NISCH: variants seen among roughly 807,000 people sequenced by gnomAD.
The protein encoded by NISCH is I-1 receptor candidate protein.
A neutral mutation model predicts 138.4 loss-of-function variants in NISCH; 55 were observed. That is an observed-to-expected ratio of 0.40 (90% CI 0.32 to 0.50). The LOEUF (loss-of-function observed/expected upper bound fraction) is 0.50, where lower values mean the gene tolerates loss of function less well. Ranked by LOEUF, NISCH falls within the 20% of genes least tolerant of loss-of-function variation. NISCH has a pLI of 0.71. For synonymous variants in NISCH, 860 were observed against 861.5 expected (o/e 1.00, Z 0.03); for missense variants, 1,643 against 2,005.5 (o/e 0.82, Z 3.45).
Position 52,491,936 on chromosome 3 carries a change from G to A in NISCH, c.3969G>A (p.Glu1323=), listed in dbSNP as rs764222352. 1 of 1,613,574 alleles carries A rather than the reference G, an allele frequency of 6.2e-7. No homozygotes were observed. Among genetic ancestry groups the A allele is most frequent in the Non-Finnish European group, 8.5e-7 (1 of 1,179,956 alleles). ...TCAAGTTTACCTACCCCAGTGAGGA[G>A]GAGATTGGGGACCTGACGTTCACTG... ...SRVKFTYPSE[E]EIGDLTFTVA... The change falls in exon 21 of 21, where the codon GAG becomes GAA. Residue 1323 remains glutamate (E), a synonymous_variant. Coordinates refer to ENST00000345716, the MANE Select transcript of NISCH (RefSeq NM_007184.4).
At chr3:52,480,627 G>A in intron 13 of NISCH, 1 of 1,425,216 alleles carries the variant, frequency 7.0e-7, no homozygotes, top group Non-Finnish European at 9.1e-7. Flanking sequence ...TCCCTCACCG[G>A]CAGCACAAGC....
chr3:52,489,872 C>A, intron 17 of NISCH, 194 bp downstream of exon 17: 1 of 1,185,182 alleles, frequency 8.4e-7, no homozygotes, highest in Non-Finnish European at 1.2e-6. Context: ...TGTGTCACCA[C>A]CTCCTGTGCC....
Position 52,488,073 on chromosome 3 carries a change from G to C in NISCH, c.2581G>C (p.Val861Leu), listed in dbSNP as rs774082674. The C allele has an allele frequency of 2.2e-5, 36 of 1,612,688 alleles. No individual in the cohort carries two copies. The highest frequency in any genetic ancestry group is 4.0e-5 in the African/African-American group (3 of 74,898). ...RSQGCFPVYL[V>L]YSDKRMVQTA... is the part of the protein sequence containing the mutation. ...CCAGGGCTGCTTCCCCGTCTACCTG[G>C]TCTACAGTGACAAGCGCATGGTGCA... The change falls in exon 16 of 21, where the codon GTC (valine) becomes CTC (leucine). Residue 861 changes from valine (V) to leucine (L), a missense_variant. Coordinates refer to ENST00000345716, the MANE Select transcript of NISCH (RefSeq NM_007184.4).
intron 15 of NISCH, 49 bp downstream of exon 15, chr3:52,485,876 G>A (rs1217769414): frequency 1.2e-5 from 18 of 1,537,372 alleles, no homozygotes; most frequent in Non-Finnish European, 1.6e-5. Context: ...ACAGCCTTAT[G>A]CACACACACT....
chr3:52,479,925 G>C (rs920294717), intron 12 of NISCH, 63 bp downstream of exon 12: 2 of 1,291,010 alleles, frequency 1.5e-6, no homozygotes, highest in Non-Finnish European at 2.2e-6. Flanking sequence ...GAGCCAGTTT[G>C]GGGGGCTTGG....
rs554709398 is a variant in NISCH at position 52,492,127 on chromosome 3, G to A, written c.4160G>A (p.Cys1387Tyr). ...SSEIFLLDED[C>Y]VHYPLPEFAK... The stretch of plus-strand genomic sequence containing the variant: ...GAGATCTTCCTCCTGGATGAGGACT[G>A]TGTCCACTACCCACTGCCCGAGTTT... The change falls in exon 21 of 21, where the codon TGT (cysteine) becomes TAT (tyrosine). Residue 1387 changes from cysteine (C) to tyrosine (Y), a missense_variant. Physicochemically the swap from Cys to Tyr is radical, Grantham distance 194 (BLOSUM62 -2). Transcript: ENST00000345716. 4.3e-6 allele frequency: 7 copies of A among 1,613,116 alleles called. No individual in the cohort carries two copies. Among genetic ancestry groups the A allele is most frequent in the Middle Eastern group, 1.6e-4 (1 of 6,062 alleles).
intron 13 of NISCH, chr3:52,480,892 T>C (rs1256414524): frequency 1.3e-5 from 20 of 1,534,830 alleles, no homozygotes; most frequent in Non-Finnish European, 1.7e-5. Context: ...TCCTCGGAGA[T>C]GAGTGAGTGA....
At chr3:52,485,694 T>A (rs1352693705) in intron 14 of NISCH, 84 bp from the exon 15 acceptor site, 10 of 1,461,094 alleles carry the variant, frequency 6.8e-6, no homozygotes, top group Non-Finnish European at 9.4e-6. Flanking sequence ...GAGGGCAGAA[T>A]GCCCAGCTCA....
In NISCH at chr3:52,482,285, G is replaced by A. The variant is rs187673035; in HGVS notation, c.1528+1990G>A. On this transcript the variant is annotated intron_variant, in intron 13 of 20. Transcript: ENST00000345716. ...ATTCCCGAGAAGGGAGCCTGCTTGC[G>A]AAGGAACTGGCACTCGGGCCTGCCT... Among the ~76,000 whole-genome samples, 961 of 152,292 alleles carry A rather than the reference G, an allele frequency of 6.3e-3. 11 individuals carry two copies. Among genetic ancestry groups the A allele is most frequent in the African/African-American group, 0.021 (873 of 41,566 alleles).
Position 52,487,476 on chromosome 3 carries a change from G to C in NISCH, c.1984G>C (p.Val662Leu), listed in dbSNP as rs145761574. 6.2e-7 allele frequency: 1 copy of C among 1,602,564 alleles called. No homozygotes were observed. Among genetic ancestry groups the C allele is most frequent in the East Asian group, 2.2e-5 (1 of 44,720 alleles). ...CTACTTTGAAATGGGGCCCCCAGAC[G>C]TGGAGGAGGAGGAGGGAGGAGGCCA... ...NRYFEMGPPD[V>L]EEEEGGGQGE... Residue 662 changes from valine to leucine, a missense_variant, in exon 16 of 21, where the codon GTG becomes CTG. Transcript: ENST00000345716. This position sits in a 1 kb window ranked among gnomAD's most constrained non-coding sequence, Gnocchi z 9.1.
intron 3 of NISCH, among the ~76,000 whole-genome samples, chr3:52,468,112 A>G (rs986707890): frequency 2.5e-4 from 38 of 152,250 alleles, no homozygotes; most frequent in African/African-American, 9.1e-4. Context: ...TACAAAAATT[A>G]GCCGGGTGTG....
Position 52,476,506 on chromosome 3 carries a change from A to G in NISCH, c.825A>G (p.Leu275=). 1 of 1,614,110 alleles carries G rather than the reference A, an allele frequency of 6.2e-7. No homozygotes were observed. Among genetic ancestry groups the G allele is most frequent in the Non-Finnish European group, 8.5e-7 (1 of 1,179,992 alleles). The change falls in exon 8 of 21, where the codon CTA becomes CTG. Residue 275 remains leucine, a synonymous_variant. Coordinates refer to ENST00000345716, the MANE Select transcript of NISCH (RefSeq NM_007184.4). ...AGTGGGAGCCTGAAGGCACAACCCT[A>G]GAAGGCCCTGTGACTGCCGTCATCC... The part of the protein sequence containing the change: ...FDEWEPEGTT[L]EGPVTAVIPT...
At chr3:52,466,338 G>C (rs1158593813) in intron 3 of NISCH, among the ~76,000 whole-genome samples, 3 of 152,130 alleles carry the variant, frequency 2.0e-5, no homozygotes, top group African/African-American at 7.2e-5. Context: ...GGCTGAGGCA[G>C]ATGGATCACA....
rs1206032112 is a variant in NISCH, at chr3:52,480,598, G to T, written c.1528+303G>T. 3 of 1,431,384 alleles carry T rather than the reference G, an allele frequency of 2.1e-6. No individual in the cohort carries two copies. The Admixed American group carries it at 8.7e-5, about 42-fold the overall frequency. 88.7% of individuals were successfully genotyped at this position (1,431,384 alleles called of 1,614,324 possible). ...CTGCCCTCTGAACAGGCTCGGGGCT[G>T]TTGGCTCATGGGACCCATTCCCTCA... On this transcript the variant is annotated intron_variant, in intron 13 of 20. Coordinates refer to ENST00000345716, the MANE Select transcript of NISCH (RefSeq NM_007184.4).
chr3:52,460,503 G>A (rs1398659212), intron 3 of NISCH, among the ~76,000 whole-genome samples: 1 of 151,720 alleles, frequency 6.6e-6, no homozygotes, highest in Non-Finnish European at 1.5e-5. Flanking sequence ...CTGGGCTCAA[G>A]GGATCTTCCT....
At chr3:52,461,240 A>G (rs1321310089) in intron 3 of NISCH, among the ~76,000 whole-genome samples, 2 of 152,206 alleles carry the variant, frequency 1.3e-5, no homozygotes, top group African/African-American at 2.4e-5. Flanking sequence ...TCTCAAAGAA[A>G]AAAACAAAAA....
rs1559641638 is a variant in NISCH, at chr3:52,487,414, A to G, written c.1922A>G (p.Glu641Gly). The change falls in exon 16 of 21, where the codon GAG becomes GGG. Residue 641 changes from glutamate to glycine, a missense_variant. Physicochemically the swap from Glu to Gly is moderately conservative, Grantham distance 98. Coordinates refer to ENST00000345716, the MANE Select transcript of NISCH (RefSeq NM_007184.4). The surrounding 1 kb of genome is among the most constrained non-coding windows in gnomAD (Gnocchi z 9.1). ...GGTGAACAGGGCGAGGAGGAGGATG[A>G]GGAGGAGGAAGAAGAGGAGGACGTG... ...GQGEQGEEED[E>G]EEEEEEDVAE... The G allele has an allele frequency of 2.5e-6, 4 of 1,611,568 alleles. No homozygotes were observed. Among genetic ancestry groups the G allele is most frequent in the Non-Finnish European group, 3.4e-6 (4 of 1,178,168 alleles).
chr3:52,488,366 C>T lies in NISCH; in HGVS notation c.2874C>T (p.Ser958=), dbSNP rs1707466308. 1 of 1,613,638 alleles carries T rather than the reference C, an allele frequency of 6.2e-7. No homozygotes were observed. The highest frequency in any genetic ancestry group is 8.5e-7 in the Non-Finnish European group (1 of 1,180,022). ...LSTVLLDPTR[S]CTQPRGAFAD... is the part of the protein sequence containing the mutation. ...CCGTGCTGCTGGACCCCACACGCAG[C>T]TGTACCCAGCCTCGGGGCGCCTTTG... Residue 958 remains serine, a synonymous_variant, in exon 16 of 21, where the codon AGC becomes AGT. Transcript: ENST00000345716.
intron 11 of NISCH, among the ~76,000 whole-genome samples, chr3:52,479,178 A>G (rs1320378568): frequency 6.6e-6 from 1 of 152,092 alleles, no homozygotes. Context: ...TGGGCTGCAG[A>G]CTTTGGGAAG....
Sources: gnomAD v4.1 joint callset for allele counts (sites outside exome capture counted in the v4.1 genomes callset) on GRCh38, gnomAD v4.1.1 for gene constraint, Gnocchi (gnomAD v3.1) non-coding constraint, MANE v1.5 for transcripts, NCBI Gene and HGNC (gene_info 2026-07-23, HGNC 2026-07-21) for gene names.